SLC25A48: variants seen among roughly 807,000 people sequenced by gnomAD.
The protein encoded by SLC25A48 is CTC-321K16.1.
In SLC25A48, 29 loss-of-function variants were observed where a neutral mutation model predicts 32.2. The ratio of observed to expected loss-of-function variants is 0.90; its 90% CI spans 0.67 to 1.23. The LOEUF (loss-of-function observed/expected upper bound fraction) is 1.23. Among genes scored for constraint, SLC25A48 ranks in the 50% most tolerant of loss-of-function variants. The pLI is 0.00. For synonymous variants in SLC25A48, 164 were observed against 172.3 expected (o/e 0.95, Z 0.38); for missense variants, 399 against 422.7 (o/e 0.94, Z 0.49).
intron 4 of SLC25A48, among the ~76,000 whole-genome samples, chr5:135,818,506 A>G (rs368158111): frequency 6.6e-6 from 1 of 152,354 alleles, no homozygotes; most frequent in East Asian, 1.9e-4. Context: ...TGAATACAGC[A>G]AATGCTTAGA....
At chr5:135,817,790 A>G (rs552215252) in intron 4 of SLC25A48, among the ~76,000 whole-genome samples, 1 of 152,352 alleles carries the variant, frequency 6.6e-6, no homozygotes, top group East Asian at 1.9e-4. Context: ...TGTATCCAGC[A>G]TACACAAAAA....
In SLC25A48 at chr5:135,861,667, T is replaced by TTTCCTC. The variant is rs1760807805; in HGVS notation, c.421+8846_421+8847insTTCCTC. 5.3e-5 allele frequency among the ~76,000 whole-genome samples: 8 copies of TTTCCTC among 152,314 alleles called. No individual in the cohort carries two copies. In the South Asian group the frequency reaches 1.7e-3, roughly 32 times the overall value. ...TTTACAGTTTTTCCTCTTTTAAAAA[T>TTTCCTC]AGTGGTATGATCAGCGAATATATTC... On this transcript the variant is annotated intron_variant, in intron 4 of 7. Coordinates refer to ENST00000681962, the MANE Select transcript of SLC25A48 (RefSeq NM_001349336.2).
intron 1 of SLC25A48, among the ~76,000 whole-genome samples, chr5:135,602,638 A>C (rs1215121455): frequency 6.9e-6 from 1 of 144,134 alleles, no homozygotes. Flanking sequence ...TTATACTTTA[A>C]GTTTTAGGGT....
At chr5:135,834,005 T>C (rs1758310825), upstream of SLC25A48, among the ~76,000 whole-genome samples, 3 of 152,192 alleles carry the variant, frequency 2.0e-5, no homozygotes, top group South Asian at 6.2e-4. Context: ...TGCTGGAAAC[T>C]AGCAGAACGC....
chr5:135,826,667 G>T (rs878068), intron 4 of SLC25A48: 116,052 of 152,122 alleles, frequency 0.76, 44,762 homozygotes, highest in Middle Eastern at 0.87. Context: ...CCATAATCAT[G>T]GGTTGTAGAC....
intron 1 of SLC25A48, among the ~76,000 whole-genome samples, chr5:135,618,586 T>C (rs897116464): frequency 1.3e-5 from 2 of 152,104 alleles, no homozygotes; most frequent in Non-Finnish European, 2.9e-5. Flanking sequence ...ATGTTGTATT[T>C]GCTCTACCAG....
At chr5:135,588,847 G>A (rs1418034151) in intron 1 of SLC25A48, among the ~76,000 whole-genome samples, 1 of 152,172 alleles carries the variant, frequency 6.6e-6, no homozygotes, top group Non-Finnish European at 1.5e-5. Flanking sequence ...GCTGCATCAG[G>A]AACTCATAAT....
At chr5:135,581,951 G>A (rs1751244094) in intron 1 of SLC25A48, among the ~76,000 whole-genome samples, 2 of 152,256 alleles carry the variant, frequency 1.3e-5, no homozygotes, top group African/African-American at 4.8e-5. Context: ...CTCTGAGCAG[G>A]TGGGCATGTG....
At chr5:135,679,845 G>A (rs768035271) in intron 3 of SLC25A48, among the ~76,000 whole-genome samples, 107 of 152,274 alleles carry the variant, frequency 7.0e-4, no homozygotes, top group Non-Finnish European at 6.5e-4. Flanking sequence ...TTAGGTGTTG[G>A]GAGTGTGTTT....
chr5:135,847,607 A>G (rs1759527644), intron 2 of SLC25A48, among the ~76,000 whole-genome samples: 1 of 152,170 alleles, frequency 6.6e-6, no homozygotes. Flanking sequence ...GTGTCCTTAT[A>G]AGAGGGAGGT....
At chr5:135,808,277 CAT>C (rs1216970090) in intron 3 of SLC25A48, among the ~76,000 whole-genome samples, 11 of 150,414 alleles carry the variant, frequency 7.3e-5, no homozygotes, top group Admixed American at 2.0e-4. Flanking sequence ...ATTTTATTAA[CAT>C]AGTGTATTAT....
At chr5:135,646,917 A>G (rs1213783391) in intron 3 of SLC25A48, among the ~76,000 whole-genome samples, 1 of 151,612 alleles carries the variant, frequency 6.6e-6, no homozygotes, top group Non-Finnish European at 1.5e-5. Context: ...TGATAATACT[A>G]TATTGTATAC....
At chr5:135,846,438 G>A (rs770586293) in intron 2 of SLC25A48, among the ~76,000 whole-genome samples, 1 of 152,158 alleles carries the variant, frequency 6.6e-6, no homozygotes, top group African/African-American at 2.4e-5. Flanking sequence ...AGTCCAATCT[G>A]GGGCATGCAT....
chr5:135,797,850 C>G (rs1320724069), intron 3 of SLC25A48, among the ~76,000 whole-genome samples: 2 of 151,656 alleles, frequency 1.3e-5, no homozygotes, highest in Non-Finnish European at 2.9e-5. Flanking sequence ...GACATTACTT[C>G]CAATATCGCA....
At chr5:135,865,724 G>T (rs1761143928) in intron 4 of SLC25A48, among the ~76,000 whole-genome samples, 1 of 152,170 alleles carries the variant, frequency 6.6e-6, no homozygotes, top group Admixed American at 6.5e-5. Context: ...AGTAGCAACA[G>T]AGGCAAGCCA....
Position 135,629,739 on chromosome 5 carries a change from C to G in SLC25A48, c.-709+363C>G, listed in dbSNP as rs978132068. Among the ~76,000 whole-genome samples the G allele has an allele frequency of 6.6e-6, 1 of 152,182 alleles. No individual in the cohort carries two copies. The highest frequency in any genetic ancestry group is 1.5e-5 in the Non-Finnish European group (1 of 68,024). On this transcript the variant is annotated intron_variant, in intron 2 of 10. Coordinates refer to the SLC25A48 transcript ENST00000646290. The surrounding 1 kb of genome is among the most constrained non-coding windows in gnomAD (Gnocchi z 4.8). The stretch of plus-strand genomic sequence containing the variant: ...GAGCTGGGGCATTGATCCTTCAACT[C>G]CCCATCCATCATGGGTGGAGGGTTG...
At chr5:135,715,756 C>T (rs2126978324) in intron 3 of SLC25A48, among the ~76,000 whole-genome samples, 1 of 152,350 alleles carries the variant, frequency 6.6e-6, no homozygotes, top group South Asian at 2.1e-4. Context: ...TTGGATAACA[C>T]TGCCTTTTCT....
chr5:135,590,908 G>A (rs1474871886), intron 1 of SLC25A48, among the ~76,000 whole-genome samples: 1 of 152,256 alleles, frequency 6.6e-6, no homozygotes, highest in Non-Finnish European at 1.5e-5. Flanking sequence ...CATGCCCATT[G>A]GCGATGAGAA....
rs541465106 is a variant in SLC25A48, at chr5:135,782,956, C to T, written c.-520-29567C>T. ...ATATCGCAGGGGGTGTGCACCCCCA[C>T]TGTGATATTGTTCCTAACATCCAGG... On this transcript the variant is annotated intron_variant, in intron 3 of 10. Coordinates refer to the SLC25A48 transcript ENST00000646290. Among the ~76,000 whole-genome samples the T allele has an allele frequency of 2.8e-5, 3 of 107,924 alleles. No homozygotes were observed. In the South Asian group the frequency reaches 9.6e-4, roughly 35 times the overall value. The allele number at this position is 107,924 out of a possible 152,430, so 70.8% of individuals were successfully genotyped here.
Sources: gnomAD v4.1 joint callset for allele counts (sites outside exome capture counted in the v4.1 genomes callset) on GRCh38, gnomAD v4.1.1 for gene constraint, Gnocchi (gnomAD v3.1) non-coding constraint, MANE v1.5 for transcripts, NCBI Gene and HGNC (gene_info 2026-07-23, HGNC 2026-07-21) for gene names.